The following SUSD6 variants were observed in gnomAD, a reference collection of about 807,000 sequenced individuals.
SUSD6 encodes the protein sushi domain-containing protein 6.
A neutral mutation model predicts 28.4 loss-of-function variants in SUSD6; 16 were observed. The ratio of observed to expected loss-of-function variants is 0.56; its 90% CI spans 0.38 to 0.86. SUSD6 has a LOEUF of 0.86. Ranked by LOEUF, SUSD6 falls within the 40% of genes least tolerant of loss-of-function variation. The pLI is 0.00. For missense variants in SUSD6, 341 were observed against 384.2 expected (o/e 0.89, Z 0.94); for synonymous variants, 147 against 159.6 (o/e 0.92, Z 0.59).
chr14:69,648,043 C>T (rs769315896), intron 1 of SUSD6, among the ~76,000 whole-genome samples: 10 of 152,042 alleles, frequency 6.6e-5, no homozygotes, highest in Non-Finnish European at 1.0e-4. Flanking sequence ...AAGTAGAGAT[C>T]GTCTGGTCCA....
chr14:69,688,657 C>G (rs1886110222), intron 2 of SUSD6, among the ~76,000 whole-genome samples: 1 of 152,208 alleles, frequency 6.6e-6, no homozygotes. Flanking sequence ...CATGATGAAT[C>G]TGCACTGGAA....
At chr14:69,683,993 G>A (rs1387379585) in intron 2 of SUSD6, among the ~76,000 whole-genome samples, 1 of 152,208 alleles carries the variant, frequency 6.6e-6, no homozygotes, top group Non-Finnish European at 1.5e-5. Context: ...CCCTTGCAGG[G>A]CACAGCAGTT....
intron 1 of SUSD6, among the ~76,000 whole-genome samples, chr14:69,644,138 C>T (rs1448443751): frequency 6.6e-6 from 1 of 152,152 alleles, no homozygotes; most frequent in Non-Finnish European, 1.5e-5. Context: ...AGGGCGTATG[C>T]TTCCTTTACC....
intron 4 of SUSD6, among the ~76,000 whole-genome samples, chr14:69,705,367 C>A (rs190349844): frequency 9.2e-5 from 14 of 151,948 alleles, no homozygotes; most frequent in Middle Eastern, 3.4e-3. Flanking sequence ...ATTCCAAAGC[C>A]ATGTCATTTC....
chr14:69,616,166 C>A (rs1379930717), intron 1 of SUSD6, among the ~76,000 whole-genome samples: 1 of 152,150 alleles, frequency 6.6e-6, no homozygotes, highest in Admixed American at 6.5e-5. Context: ...AGAAGAGGAT[C>A]TTCTCTGGTG....
Position 69,624,069 on chromosome 14 carries a change from A to G in SUSD6, c.-81+12241A>G, listed in dbSNP as rs1038314399. On this transcript the variant is annotated intron_variant, in intron 1 of 5. Transcript: ENST00000342745. ...TCCATTCACTCACTTACCCAGGGCA[A>G]TTTGCAGTCCTGCAAGCCCCATTCG... Among the ~76,000 whole-genome samples the G allele has an allele frequency of 7.6e-4, 116 of 152,220 alleles. 2 individuals carry two copies. The highest frequency in any genetic ancestry group is 7.6e-3 in the Admixed American group (116 of 15,280).
intron 1 of SUSD6, among the ~76,000 whole-genome samples, chr14:69,632,827 C>G (rs994816122): frequency 7.2e-5 from 11 of 152,130 alleles, no homozygotes; most frequent in Non-Finnish European, 1.3e-4. Flanking sequence ...TCTTCCTGCT[C>G]TCATCCAAAA....
intron 2 of SUSD6, among the ~76,000 whole-genome samples, chr14:69,675,962 T>C (rs1333285227): frequency 6.6e-6 from 1 of 152,184 alleles, no homozygotes; most frequent in Non-Finnish European, 1.5e-5. Flanking sequence ...TTTTTAACGC[T>C]GACTTCCCAT....
chr14:69,644,408 T>G (rs1850014588), intron 1 of SUSD6, among the ~76,000 whole-genome samples: 1 of 152,172 alleles, frequency 6.6e-6, no homozygotes, highest in African/African-American at 2.4e-5. Context: ...TCCCAGCACT[T>G]TGGTAGGCTG....
chr14:69,664,378 A>G (rs1433858876), intron 2 of SUSD6, among the ~76,000 whole-genome samples: 6 of 152,208 alleles, frequency 3.9e-5, no homozygotes, highest in African/African-American at 1.4e-4. Flanking sequence ...TTGGAAAGGA[A>G]CAATAGGGAC....
chr14:69,673,003 A>C (rs1885856637), intron 2 of SUSD6, among the ~76,000 whole-genome samples: 1 of 152,112 alleles, frequency 6.6e-6, no homozygotes, highest in Admixed American at 6.5e-5. Context: ...TTCCGTCCTC[A>C]CCTTTTGTAC....
chr14:69,621,493 A>G (rs1263764249), intron 1 of SUSD6, among the ~76,000 whole-genome samples: 2 of 152,188 alleles, frequency 1.3e-5, no homozygotes, highest in Non-Finnish European at 2.9e-5. Flanking sequence ...TGTTTTAGCA[A>G]GGCCAATCAG....
rs1266743309 is a variant in SUSD6, at chr14:69,713,706, G to A, written c.*2727G>A. 4 of 152,224 alleles carry A rather than the reference G, an allele frequency of 2.6e-5. No homozygotes were observed. The highest frequency in any genetic ancestry group is 9.7e-5 in the African/African-American group (4 of 41,438). 9.4% of individuals were successfully genotyped at this position (152,224 alleles called of 1,614,324 possible). A position where few individuals can be genotyped will look rare whatever the true frequency, so the allele number is the denominator to read the frequency against. On this transcript the variant is annotated 3_prime_UTR_variant, in exon 6 of 6. Coordinates refer to ENST00000342745, the MANE Select transcript of SUSD6 (RefSeq NM_014734.4). ...CAGGTGGAAACAGGTGGAAGAAACC[G>A]GCCACAGCCCTGCTTTACCGGGCTC...
At chr14:69,642,156 A>G (rs1396183410) in intron 1 of SUSD6, among the ~76,000 whole-genome samples, 2 of 152,140 alleles carry the variant, frequency 1.3e-5, no homozygotes, top group African/African-American at 4.8e-5. Flanking sequence ...GGGTGCTGGA[A>G]CTTTTTGTAT....
rs752306675 is a variant in SUSD6 at position 69,658,646 on chromosome 14, C to T, written c.54C>T (p.Ser18=). 3.5e-5 allele frequency: 57 copies of T among 1,613,978 alleles called. No individual in the cohort carries two copies. Among genetic ancestry groups the T allele is most frequent in the Non-Finnish European group, 4.2e-5 (50 of 1,179,986 alleles). Reference sequence around the variant, plus strand: ...GCACCTCAGTGTTTGCCGTGGCCTCCGTGGGACATGGAGTGTTCCTTCCGC... The same window carrying T: ...GCACCTCAGTGTTTGCCGTGGCCTCTGTGGGACATGGAGTGTTCCTTCCGC... The part of the protein sequence containing the change: ...PKSTSVFAVA[S]VGHGVFLPLV... Residue 18 remains serine, a synonymous_variant, in exon 2 of 6, where the codon TCC becomes TCT. Transcript: ENST00000342745.
At chr14:69,658,488 T>G (rs1344681892) in intron 1 of SUSD6, 25 bp from the exon 2 acceptor site, 1 of 1,244,550 alleles carries the variant, frequency 8.0e-7, no homozygotes, top group African/African-American at 1.5e-5. Context: ...AGTTTTCACT[T>G]TATGTCCTTG....
At chr14:69,624,912 G>C (rs61636155) in intron 1 of SUSD6, among the ~76,000 whole-genome samples, 2,779 of 152,184 alleles carry the variant, frequency 0.018, 83 homozygotes, top group African/African-American at 0.063. Flanking sequence ...CTTGCTTTTT[G>C]TTTCATTTGA....
At chr14:69,644,986 AG>A (rs2139605369) in intron 1 of SUSD6, among the ~76,000 whole-genome samples, 1 of 152,310 alleles carries the variant, frequency 6.6e-6, no homozygotes, top group South Asian at 2.1e-4. Context: ...ACAGTGGGCA[AG>A]TTCCTACTTC....
At chr14:69,667,387 T>C (rs1885758470) in intron 2 of SUSD6, among the ~76,000 whole-genome samples, 1 of 144,716 alleles carries the variant, frequency 6.9e-6, no homozygotes, top group African/African-American at 2.6e-5. Flanking sequence ...TTTTTTTTTT[T>C]TTTTTTTGAG....
Sources: gnomAD v4.1 joint callset for allele counts (sites outside exome capture counted in the v4.1 genomes callset) on GRCh38, gnomAD v4.1.1 for gene constraint, MANE v1.5 for transcripts, NCBI Gene and HGNC (gene_info 2026-07-23, HGNC 2026-07-21) for gene names.